The following ZNFX1 variants were observed in gnomAD, a reference collection of about 807,000 sequenced individuals.
ZNFX1 encodes the protein NFX1-type zinc finger-containing protein 1.
ZNFX1 carries 78 observed loss-of-function variants against 179.8 expected under a neutral mutation model. That is an observed-to-expected ratio of 0.43 (90% CI 0.36 to 0.52). ZNFX1 has a LOEUF of 0.52. Among genes scored for constraint, ZNFX1 ranks in the 20% least tolerant of loss-of-function variants. ZNFX1 has a pLI of 0.00. For missense variants in ZNFX1, 1,927 were observed against 2,386.6 expected (o/e 0.81, Z 4.01); for synonymous variants, 848 against 868.5 (o/e 0.98, Z 0.42).
intron 2 of ZNFX1, among the ~76,000 whole-genome samples, chr20:49,275,122 C>CAA (rs11477284): frequency 0.015 from 2,244 of 145,176 alleles, 58 homozygotes; most frequent in South Asian, 0.07. Flanking sequence ...GACTCTGTCT[C>CAA]AAAAAAAAAA....
At chr20:49,259,079 T>A (rs1981050050) in intron 7 of ZNFX1, among the ~76,000 whole-genome samples, 1 of 144,760 alleles carries the variant, frequency 6.9e-6, no homozygotes. Flanking sequence ...TGCAGCCTGG[T>A]GGACAGAGTG....
In ZNFX1 at chr20:49,249,089, G is replaced by A. The variant is rs774635848; in HGVS notation, c.3935C>T (p.Ser1312Leu). The change falls in exon 14 of 14, where the codon TCA (serine) becomes TTA (leucine). Residue 1312 changes from serine (S) to leucine (L), a missense_variant. Ser to Leu is a moderately radical substitution (Grantham distance 145). Transcript: ENST00000396105. ...CTRACHPYDS[S>L]HKEFQCMKPC... is the part of the protein sequence containing the mutation. ...CTTCATGCATTGGAACTCCTTGTGT[G>A]AAGAGTCATAAGGGTGGCAGGCACG... 5.0e-6 allele frequency: 8 copies of A among 1,614,244 alleles called. No homozygotes were observed. Among genetic ancestry groups the A allele is most frequent in the Non-Finnish European group, 6.8e-6 (8 of 1,180,048 alleles).
intron 1 of ZNFX1, 145 bp from the exon 2 acceptor site, chr20:49,276,032 A>C (rs1981548229): frequency 1.7e-6 from 1 of 573,076 alleles, no homozygotes. Context: ...TCTAGAGCAC[A>C]AGTGCTCGAC....
In ZNFX1 at chr20:49,266,145, C is replaced by T. The variant is rs760449987; in HGVS notation, c.1992G>A (p.Gln664=). The change falls in exon 4 of 14, where the codon CAG becomes CAA. Residue 664 remains glutamine (Q), a synonymous_variant. Coordinates refer to ENST00000396105, the MANE Select transcript of ZNFX1 (RefSeq NM_021035.3). ...VVCYTNHALD[Q]FLEGIYNCQK... Reference sequence around the variant, plus strand: ...GCCTATAAGTATTACCTTCCAGAAACTGGTCCAAAGCATGATTAGTATAAC... The same window carrying T: ...GCCTATAAGTATTACCTTCCAGAAATTGGTCCAAAGCATGATTAGTATAAC... 6.2e-7 allele frequency: 1 copy of T among 1,606,798 alleles called. No homozygotes were observed. The highest frequency in any genetic ancestry group is 8.5e-7 in the Non-Finnish European group (1 of 1,178,188).
chr20:49,259,597 CT>C (rs76603219), intron 7 of ZNFX1, among the ~76,000 whole-genome samples: 115 of 146,390 alleles, frequency 7.9e-4, no homozygotes, highest in Non-Finnish European at 9.4e-4. Flanking sequence ...AAACTTTTTC[CT>C]TTTTTTTTTT....
In ZNFX1 at chr20:49,248,336, C is replaced by G. The variant is rs760238536; in HGVS notation, c.4688G>C (p.Arg1563Pro). Residue 1563 changes from arginine (R) to proline (P), a missense_variant, in exon 14 of 14, where the codon CGG (arginine) becomes CCG (proline). By Grantham distance (103) the Arg-to-Pro change is moderately radical (BLOSUM62 -2). Coordinates refer to ENST00000396105, the MANE Select transcript of ZNFX1 (RefSeq NM_021035.3). This position sits in a 1 kb window ranked among gnomAD's most constrained non-coding sequence, Gnocchi z 4.6. ...GGTGACCTCATCCATGTGGCAGATC[C>G]GGCATTTCTTGGGGCATGGCTCCCC... Reference protein sequence around the residue: ...LCGEPCPKKCRICHMDEVTQI... With the variant: ...LCGEPCPKKCPICHMDEVTQI... 1 of 1,613,918 alleles carries G rather than the reference C, an allele frequency of 6.2e-7. No homozygotes were observed. Among genetic ancestry groups the G allele is most frequent in the Non-Finnish European group, 8.5e-7 (1 of 1,179,958 alleles).
intron 1 of ZNFX1, among the ~76,000 whole-genome samples, chr20:49,277,647 G>A (rs1981614573): frequency 6.6e-6 from 1 of 151,660 alleles, no homozygotes; most frequent in African/African-American, 2.4e-5. Context: ...ACACTAAAGA[G>A]AGTACAGGGG....
rs1981228853 is a variant in ZNFX1 at position 49,266,192 on chromosome 20, T to G, written c.1945A>C (p.Lys649Gln). ...NESVWQISLQ[K>Q]FPILVVCYTN... ...TAACACACAACCAAGATGGGGAACT[T>G]CTGGAGGCTAATTTGCCAAACAGAC... Residue 649 changes from lysine to glutamine, a missense_variant, in exon 4 of 14, where the codon AAG (lysine) becomes CAG (glutamine). Lys to Gln is a moderately conservative substitution (Grantham distance 53). Coordinates refer to ENST00000396105, the MANE Select transcript of ZNFX1 (RefSeq NM_021035.3). 3.1e-6 allele frequency: 5 copies of G among 1,613,344 alleles called. No homozygotes were observed. The East Asian group carries it at 1.1e-4, about 36-fold the overall frequency.
intron 1 of ZNFX1, among the ~76,000 whole-genome samples, chr20:49,276,732 C>A (rs1981570774): frequency 6.6e-6 from 1 of 152,140 alleles, no homozygotes; most frequent in Non-Finnish European, 1.5e-5. Context: ...TCACTGAGTT[C>A]TAAAATATTC....
chr20:49,252,362 G>GA (rs1980860828), intron 12 of ZNFX1, among the ~76,000 whole-genome samples: 1 of 150,356 alleles, frequency 6.7e-6, no homozygotes, highest in African/African-American at 2.5e-5. Flanking sequence ...GGCTGGTCTC[G>GA]AACTCCTGAC....
In ZNFX1 at chr20:49,255,789, TA is replaced by T; in HGVS notation, c.2804+18del. On this transcript the variant is annotated intron_variant, in intron 9 of 13. Coordinates refer to ENST00000396105, the MANE Select transcript of ZNFX1 (RefSeq NM_021035.3). ...AGAGGAACTCCCTACATGGGTTGGC[TA>T]GATGTGGAACACAGTACCTATAAAG... 6.3e-7 allele frequency: 1 copy of T among 1,598,164 alleles called. No homozygotes were observed.
At chr20:49,250,566 TGA>T (rs1980810112) in intron 13 of ZNFX1, among the ~76,000 whole-genome samples, 2 of 152,260 alleles carry the variant, frequency 1.3e-5, no homozygotes, top group Admixed American at 6.5e-5. Flanking sequence ...TTTTTTTTTT[TGA>T]GACAGAGTTC....
chr20:49,245,970 A>G lies in ZNFX1; in HGVS notation c.*1297T>C, dbSNP rs946808760. On this transcript the variant is annotated 3_prime_UTR_variant, in exon 14 of 14. Coordinates refer to ENST00000396105, the MANE Select transcript of ZNFX1 (RefSeq NM_021035.3). ...TAGTAAAGACAAAAAAAGGAAATGC[A>G]TACATAGGAAAGGGACACTTAGAAA... The G allele has an allele frequency of 6.6e-6, 1 of 152,656 alleles. No individual in the cohort carries two copies. Among genetic ancestry groups the G allele is most frequent in the South Asian group, 2.1e-4 (1 of 4,826 alleles). The allele number at this position is 152,656 out of a possible 1,614,324, so 9.5% of individuals were successfully genotyped here.
intron 6 of ZNFX1, among the ~76,000 whole-genome samples, chr20:49,260,972 T>C (rs1475921476): frequency 6.6e-6 from 1 of 152,176 alleles, no homozygotes; most frequent in African/African-American, 2.4e-5. Context: ...TCCCAGCTAC[T>C]CAGGAGGTTG....
At chr20:49,274,138 G>C (rs1981493465) in intron 2 of ZNFX1, among the ~76,000 whole-genome samples, 1 of 152,164 alleles carries the variant, frequency 6.6e-6, no homozygotes, top group African/African-American at 2.4e-5. Context: ...TTGGTGACTA[G>C]GATTCACGAT....
chr20:49,272,738 G>C (rs536286811), intron 2 of ZNFX1, among the ~76,000 whole-genome samples: 4 of 152,302 alleles, frequency 2.6e-5, no homozygotes, highest in Admixed American at 6.5e-5. Context: ...AAAGAGAAAG[G>C]TGGGGTTTCC....
intron 7 of ZNFX1, among the ~76,000 whole-genome samples, chr20:49,259,435 T>C (rs1246099181): frequency 6.7e-6 from 1 of 149,652 alleles, no homozygotes; most frequent in Non-Finnish European, 1.5e-5. Flanking sequence ...TAACTTGCCT[T>C]TTTTTTTTTT....
intron 7 of ZNFX1, among the ~76,000 whole-genome samples, chr20:49,259,593 T>C (rs981430327): frequency 6.6e-6 from 1 of 152,112 alleles, no homozygotes; most frequent in African/African-American, 2.4e-5. Flanking sequence ...AGCTAAACTT[T>C]TTCCTTTTTT....
chr20:49,247,504 A>T lies in ZNFX1; in HGVS notation c.5520T>A (p.Gly1840=), dbSNP rs745541805. ...ACTTGAACCAGTGACCACGAGGATA[A>T]CCTATGGCACTGACAATCTGCACTC... ...EERVQIVSAI[G]YPRGHWFKCR... is the part of the protein sequence containing the mutation. The change falls in exon 14 of 14, where the codon GGT becomes GGA. Residue 1840 remains glycine (G), a synonymous_variant. Transcript: ENST00000396105. 2.0e-5 allele frequency: 32 copies of T among 1,614,152 alleles called. 1 individual carries two copies. In the South Asian group the frequency reaches 3.5e-4, roughly 18 times the overall value.
Sources: allele counts gnomAD v4.1 joint callset (sites outside exome capture counted in the v4.1 genomes callset), GRCh38; gene constraint gnomAD v4.1.1; non-coding constraint Gnocchi (gnomAD v3.1); transcripts MANE v1.5; gene names NCBI Gene and HGNC (gene_info 2026-07-23, HGNC 2026-07-21).